The following AGBL5 variants were observed in gnomAD, a reference collection of about 807,000 sequenced individuals.
AGBL5 encodes cytosolic carboxypeptidase-like protein 5.
AGBL5 carries 51 observed loss-of-function variants against 88.0 expected under a neutral mutation model. The ratio of observed to expected loss-of-function variants is 0.58; its 90% CI spans 0.46 to 0.73. The LOEUF is 0.73. AGBL5 is among the 30% of genes least tolerant of loss of function. AGBL5 has a pLI of 0.00. For synonymous variants in AGBL5, 446 were observed against 438.8 expected (o/e 1.02, Z -0.21); for missense variants, 1,031 against 1,162.2 (o/e 0.89, Z 1.64).
chr2:27,070,367 A>G lies in AGBL5; in HGVS notation c.*104A>G. ...CGCTGATTCCATGTGACAGCCGTTAAGTCCTTGGAATGCCAGCCACGCTGT... is the reference window on the plus strand; with the variant it reads ...CGCTGATTCCATGTGACAGCCGTTAGGTCCTTGGAATGCCAGCCACGCTGT... On this transcript the variant is annotated 3_prime_UTR_variant, in exon 15 of 15. Coordinates refer to ENST00000360131, the MANE Select transcript of AGBL5 (RefSeq NM_021831.6). 1 of 1,255,712 alleles carries G rather than the reference A, an allele frequency of 8.0e-7. No individual in the cohort carries two copies. The highest frequency in any genetic ancestry group is 1.5e-5 in the African/African-American group (1 of 68,144). 77.8% of individuals were successfully genotyped at this position (1,255,712 alleles called of 1,614,324 possible).
rs376847652 is a variant in AGBL5 at position 27,069,948 on chromosome 2, T to TC, written c.2490-143dup. On this transcript the variant is annotated intron_variant, in intron 14 of 14. Transcript: ENST00000360131. ...GTCTAGGAGCTGGCTGGTTCCAGCG[T>TC]CAAACCACTGTGCAGTAACCAACTT... 4.4e-4 allele frequency: 655 copies of TC among 1,493,618 alleles called. 4 individuals are homozygous for TC. The African/African-American group carries it at 8.4e-3, about 19-fold the overall frequency. 92.5% of individuals were successfully genotyped at this position (1,493,618 alleles called of 1,614,324 possible).
intron 7 of AGBL5, 26 bp from the exon 8 acceptor site, chr2:27,056,597 T>G (rs1668443869): frequency 6.3e-7 from 1 of 1,578,384 alleles, no homozygotes; most frequent in Non-Finnish European, 8.6e-7. Flanking sequence ...TCTCTCCTTC[T>G]GAGTTGACTT....
intron 11 of AGBL5, among the ~76,000 whole-genome samples, chr2:27,064,752 CTTTTTTTT>C (rs58558379): frequency 4.3e-4 from 27 of 62,768 alleles, no homozygotes; most frequent in Non-Finnish European, 6.5e-4. Flanking sequence ...GGTTTGGAAC[CTTTTTTTT>C]TTTTTTTTTT....
At chr2:27,056,402 G>T in intron 7 of AGBL5, 1 of 600,360 alleles carries the variant, frequency 1.7e-6, no homozygotes, top group South Asian at 2.8e-5. Flanking sequence ...GGAAAATTTT[G>T]CATTGTTGGA....
At position 27,053,309 on chromosome 2, in the gene AGBL5, G is replaced by A; in HGVS notation, c.216-93G>A. On this transcript the variant is annotated intron_variant, in intron 2 of 14. Transcript: ENST00000360131. The surrounding 1 kb of genome is among the most constrained non-coding windows in gnomAD (Gnocchi z 4.9). ...GTCCCTCCTTTCTCCTTGCCAAATAGCCCTTTCCCAGTTTGGCTGGCTCCG... is the reference window on the plus strand; with the variant it reads ...GTCCCTCCTTTCTCCTTGCCAAATAACCCTTTCCCAGTTTGGCTGGCTCCG... 6.5e-7 allele frequency: 1 copy of A among 1,542,562 alleles called. No individual in the cohort carries two copies. The highest frequency in any genetic ancestry group is 8.8e-7 in the Non-Finnish European group (1 of 1,137,734).
chr2:27,056,993 T>C, intron 8 of AGBL5: 1 of 573,564 alleles, frequency 1.7e-6, no homozygotes, highest in Non-Finnish European at 2.8e-6. Context: ...CGAAACTCCG[T>C]CTCAAAAAAA....
At chr2:27,061,877 A>G (rs1033341625) in intron 11 of AGBL5, 2 of 151,632 alleles carry the variant, frequency 1.3e-5, no homozygotes, top group African/African-American at 2.4e-5. Flanking sequence ...CAATGGTGCA[A>G]TCTCGGCTCA....
rs1669211727 is a variant in AGBL5, at chr2:27,070,145, T to A, written c.2543T>A (p.Ile848Lys). Residue 848 changes from isoleucine to lysine, a missense_variant, in exon 15 of 15, where the codon ATA becomes AAA. By Grantham distance (102) the Ile-to-Lys change is moderately radical. Around this residue, in one of 2 missense-constraint regions of AGBL5, gnomAD observed 491 missense variants for 484.0 expected, o/e 1.01. Transcript: ENST00000360131. ...CGCTCTGCCCCTGCCTTTTCTCCTA[T>A]ATCCTGTAGTCTATCTGACTCCCCA... ...RPRSAPAFSP[I>K]SCSLSDSPSW... 2 of 1,614,214 alleles carry A rather than the reference T, an allele frequency of 1.2e-6. No individual in the cohort carries two copies. Among genetic ancestry groups the A allele is most frequent in the African/African-American group, 2.7e-5 (2 of 75,052 alleles).
intron 12 of AGBL5, among the ~76,000 whole-genome samples, chr2:27,068,346 G>C (rs1327219162): frequency 6.6e-6 from 1 of 152,188 alleles, no homozygotes; most frequent in Non-Finnish European, 1.5e-5. Flanking sequence ...TGGACCACCA[G>C]ACTAGAGCCT....
intron 11 of AGBL5, among the ~76,000 whole-genome samples, chr2:27,059,760 C>T (rs1668620212): frequency 6.6e-6 from 1 of 152,162 alleles, no homozygotes; most frequent in Non-Finnish European, 1.5e-5. Context: ...AAGGGAATGT[C>T]CTCAGAATCC....
In AGBL5 at chr2:27,053,570, T is replaced by G. The variant is rs1668284366; in HGVS notation, c.384T>G (p.Phe128Leu). The G allele has an allele frequency of 6.2e-7, 1 of 1,611,280 alleles. No individual in the cohort carries two copies. The highest frequency in any genetic ancestry group is 2.2e-5 in the East Asian group (1 of 44,854). Residue 128 changes from phenylalanine (F) to leucine (L), a missense_variant, in exon 3 of 15, where the codon TTT (phenylalanine) becomes TTG (leucine). This residue lies in a region of AGBL5 where 540 missense variants were observed against 678.2 expected (regional missense o/e 0.80). Transcript: ENST00000360131. The surrounding 1 kb of genome is among the most constrained non-coding windows in gnomAD (Gnocchi z 4.9). ...RWERIRDRPTFEMTETQFVLS... is the reference protein window; with the variant it reads ...RWERIRDRPTLEMTETQFVLS... The stretch of plus-strand genomic sequence containing the variant: ...AACGCATTCGAGACCGGCCCACCTT[T>G]GAGGTAAGTTCTCCATGAGGAGGAA...
In AGBL5 at chr2:27,053,184, C is replaced by T. The variant is rs748901747; in HGVS notation, c.215+11C>T. Reference sequence around the variant, plus strand: ...TGAGAATGGGAACAGGTATATGGAACGAAATGGAGGGTGGAAAAAGGCTCC... The same window carrying T: ...TGAGAATGGGAACAGGTATATGGAATGAAATGGAGGGTGGAAAAAGGCTCC... On this transcript the variant is annotated intron_variant, in intron 2 of 14. Transcript: ENST00000360131. The surrounding 1 kb of genome is among the most constrained non-coding windows in gnomAD (Gnocchi z 4.9). 4.5e-6 allele frequency: 7 copies of T among 1,569,012 alleles called. No individual in the cohort carries two copies. Among genetic ancestry groups the T allele is most frequent in the East Asian group, 2.3e-5 (1 of 44,258 alleles).
rs770469630 is a variant in AGBL5 at position 27,056,705 on chromosome 2, A to G, written c.1448A>G (p.Asn483Ser). 2 of 1,613,960 alleles carry G rather than the reference A, an allele frequency of 1.2e-6. No homozygotes were observed. Among genetic ancestry groups the G allele is most frequent in the Non-Finnish European group, 1.7e-6 (2 of 1,179,856 alleles). The change falls in exon 8 of 15, where the codon AAT (asparagine) becomes AGT (serine). Residue 483 changes from asparagine to serine, a missense_variant. By Grantham distance (46) the Asn-to-Ser change is conservative. Around this residue, in one of 2 missense-constraint regions of AGBL5, gnomAD observed 540 missense variants for 678.2 expected, o/e 0.80. Transcript: ENST00000360131. ...DFQGCNFSEK[N>S]MYARDRRDGQ... ...CAGGGCTGCAATTTCTCAGAGAAGA[A>G]TATGTATGCCCGAGACCGTAGAGAT...
In AGBL5 at chr2:27,053,882, C is replaced by T; in HGVS notation, c.388-14C>T. The T allele has an allele frequency of 1.2e-6, 2 of 1,607,968 alleles. No homozygotes were observed. The highest frequency in any genetic ancestry group is 2.2e-5 in the East Asian group (1 of 44,766). ...TGGCATGTTGCCCCTCCCTCTTCCT[C>T]CTCTGCTCTTCAGATGACAGAGACG... On this transcript the variant is annotated splice_polypyrimidine_tract_variant and intron_variant, in intron 3 of 14. Coordinates refer to ENST00000360131, the MANE Select transcript of AGBL5 (RefSeq NM_021831.6). The surrounding 1 kb of genome is among the most constrained non-coding windows in gnomAD (Gnocchi z 4.9).
At chr2:27,052,871 G>A in intron 1 of AGBL5, 42 bp from the exon 2 acceptor site, 1 of 1,223,188 alleles carries the variant, frequency 8.2e-7, no homozygotes, top group Non-Finnish European at 1.1e-6. Context: ...TCTTCGATTT[G>A]TCTTCCCTTT....
At position 27,070,262 on chromosome 2, in the gene AGBL5, G is replaced by A. The variant is rs1669222461; in HGVS notation, c.2660G>A (p.Ter887=). ...SPPLTVSPRV[*] The stretch of plus-strand genomic sequence containing the variant: ...CCACTGACTGTTTCTCCCCGGGTCT[G>A]ATAATGCCTTTATGTTCAAGCCCAG... Residue 887 remains the stop codon, a stop_retained_variant, in exon 15 of 15, where the codon TGA becomes TAA. Transcript: ENST00000360131. 6.2e-7 allele frequency: 1 copy of A among 1,614,026 alleles called. No homozygotes were observed. Among genetic ancestry groups the A allele is most frequent in the African/African-American group, 1.3e-5 (1 of 74,928 alleles).
intron 14 of AGBL5, 23 bp from the exon 15 acceptor site, chr2:27,070,069 T>C: frequency 1.2e-6 from 2 of 1,603,194 alleles, no homozygotes; most frequent in Non-Finnish European, 1.7e-6. Flanking sequence ...ACAGCCCTGA[T>C]TCCTCTCTCT....
rs377519364 is a variant in AGBL5, at chr2:27,054,064, C to A, written c.551+5C>A. 2.7e-5 allele frequency: 43 copies of A among 1,606,492 alleles called. No homozygotes were observed. Among genetic ancestry groups the A allele is most frequent in the Non-Finnish European group, 3.4e-5 (40 of 1,175,320 alleles). ...GAACCACCCTACCCATAGCAGGTGCCAGCCCCATTCTTACTCCTGCCACAC... is the reference window on the plus strand; with the variant it reads ...GAACCACCCTACCCATAGCAGGTGCAAGCCCCATTCTTACTCCTGCCACAC... On this transcript the variant is annotated splice_donor_5th_base_variant and intron_variant, in intron 4 of 14. Transcript: ENST00000360131.
At chr2:27,065,044 G>A (rs369176051) in intron 11 of AGBL5, among the ~76,000 whole-genome samples, 2 of 152,126 alleles carry the variant, frequency 1.3e-5, no homozygotes, top group Admixed American at 6.6e-5. Flanking sequence ...GTGAGCCACC[G>A]TGCCTGACCT....
Sources: allele counts gnomAD v4.1 joint callset (sites outside exome capture counted in the v4.1 genomes callset), GRCh38; gene constraint gnomAD v4.1.1; regional missense constraint gnomAD v4.1.1; non-coding constraint Gnocchi (gnomAD v3.1); transcripts MANE v1.5; gene names NCBI Gene and HGNC (gene_info 2026-07-23, HGNC 2026-07-21).